The following CDH13 variants were observed in gnomAD, a reference collection of about 807,000 sequenced individuals.
The protein encoded by CDH13 is cadherin-13.
Under a neutral mutation model 63.8 loss-of-function variants are expected in CDH13, and 24 were observed. That is an observed-to-expected ratio of 0.38 (90% confidence interval 0.27 to 0.53). CDH13 has a LOEUF of 0.53. CDH13 is among the 20% of genes least tolerant of loss of function. The probability of loss-of-function intolerance (pLI) is 0.85; values close to 1 mark genes in which losing one functional copy is unlikely to be tolerated. For synonymous variants in CDH13, 503 were observed against 355.3 expected, an observed-to-expected ratio of 1.42 and a Z score of -4.67; for missense variants, 1,049 against 903.1, an observed-to-expected ratio of 1.16 and a Z score of -2.07.
At chr16:83,033,802 C>G (rs970251503) in intron 3 of CDH13, among the ~76,000 whole-genome samples, 8 of 152,232 alleles carry the variant, frequency 5.3e-5, no homozygotes, top group African/African-American at 1.9e-4. Context: ...GAGGGCAAGA[C>G]ACACAGCAGG....
intron 1 of CDH13, among the ~76,000 whole-genome samples, chr16:82,797,888 C>A (rs945448965): frequency 1.5e-4 from 23 of 151,734 alleles, no homozygotes; most frequent in Non-Finnish European, 3.1e-4. Context: ...AGAAAGACAC[C>A]ACAGCCTTCT....
chr16:82,725,485 T>C (rs980480670), intron 1 of CDH13, among the ~76,000 whole-genome samples: 1 of 152,198 alleles, frequency 6.6e-6, no homozygotes, highest in Non-Finnish European at 1.5e-5. Flanking sequence ...CTTTCTCATC[T>C]GAAAAATGGG....
chr16:83,087,600 G>A lies in CDH13; in HGVS notation c.367-37785G>A, dbSNP rs528657393. On this transcript the variant is annotated intron_variant, in intron 3 of 13. Coordinates refer to ENST00000567109, the MANE Select transcript of CDH13 (RefSeq NM_001257.5). ...GCAGACTCACTTGAACGCGGGAGCC[G>A]GAGGTCACAGCGAGCCAAAACCGTG... Among the ~76,000 whole-genome samples, 21 of 147,778 alleles carry A rather than the reference G, an allele frequency of 1.4e-4. No individual in the cohort carries two copies. In the South Asian group the frequency reaches 3.0e-3, roughly 21 times the overall value.
intron 8 of CDH13, among the ~76,000 whole-genome samples, chr16:83,605,598 G>C (rs1282689291): frequency 6.6e-6 from 1 of 152,160 alleles, no homozygotes. Flanking sequence ...AAAGAACCTA[G>C]ATAGTGCCTG....
At chr16:83,724,268 T>C (rs1160715015) in intron 10 of CDH13, among the ~76,000 whole-genome samples, 6 of 148,600 alleles carry the variant, frequency 4.0e-5, no homozygotes, top group Non-Finnish European at 8.9e-5. Flanking sequence ...AATGCATGGG[T>C]GGGTGATTAA....
At chr16:83,347,555 C>T (rs1597802073) in intron 6 of CDH13, among the ~76,000 whole-genome samples, 1 of 152,148 alleles carries the variant, frequency 6.6e-6, no homozygotes, top group South Asian at 2.1e-4. Context: ...TTACTGTGTG[C>T]CAGCAGCCAT....
At position 83,545,604 on chromosome 16, in the gene CDH13, CCTT is replaced by C. The variant is rs369451435; in HGVS notation, c.961-56847_961-56845del. ...TTTGTTGCAGTGATGGAATTAAAGT[CCTT>C]CTAATGAAAAAGGCTGTAGGTGAAT... On this transcript the variant is annotated intron_variant, in intron 7 of 13. Coordinates refer to ENST00000567109, the MANE Select transcript of CDH13 (RefSeq NM_001257.5). Among the ~76,000 whole-genome samples the C allele has an allele frequency of 2.3e-3, 346 of 152,118 alleles. 4 individuals are homozygous for C. The highest frequency in any genetic ancestry group is 7.8e-3 in the African/African-American group (323 of 41,510).
intron 2 of CDH13, among the ~76,000 whole-genome samples, chr16:82,896,055 A>C (rs2041245048): frequency 6.6e-6 from 1 of 152,124 alleles, no homozygotes; most frequent in South Asian, 2.1e-4. Flanking sequence ...GCCTACTTTA[A>C]GGCATCACCC....
rs1394078693 is a variant in CDH13, at chr16:83,086,331, C to T, written c.367-39054C>T. On this transcript the variant is annotated intron_variant, in intron 3 of 13. Transcript: ENST00000567109. ...ATGCAGTATTTCAATTCCAGATCTA[C>T]CATTTATAAGCTGTGTGTTTTTGGG... is the stretch of plus-strand genomic sequence containing the variant. Among the ~76,000 whole-genome samples, 3 of 152,176 alleles carry T rather than the reference C, an allele frequency of 2.0e-5. No homozygotes were observed. In the South Asian group the frequency reaches 6.2e-4, roughly 32 times the overall value.
At chr16:83,388,337 C>G (rs919284007) in intron 6 of CDH13, among the ~76,000 whole-genome samples, 1 of 151,652 alleles carries the variant, frequency 6.6e-6, no homozygotes, top group African/African-American at 2.4e-5. Flanking sequence ...CCTGTAGTCC[C>G]AACTACTTGG....
At chr16:83,402,149 G>A (rs1484862731) in intron 6 of CDH13, among the ~76,000 whole-genome samples, 2 of 152,058 alleles carry the variant, frequency 1.3e-5, no homozygotes, top group Non-Finnish European at 2.9e-5. Flanking sequence ...CTGTACACTA[G>A]CCTAGTATTA....
intron 6 of CDH13, among the ~76,000 whole-genome samples, chr16:83,356,744 A>G (rs2091064668): frequency 6.6e-6 from 1 of 152,222 alleles, no homozygotes; most frequent in African/African-American, 2.4e-5. Context: ...GAGGGTATAT[A>G]AAATCCCTTT....
At chr16:83,125,839 T>C (rs1318384426) in intron 4 of CDH13, among the ~76,000 whole-genome samples, 4 of 152,186 alleles carry the variant, frequency 2.6e-5, no homozygotes, top group Non-Finnish European at 5.9e-5. Flanking sequence ...GATGGTAGTA[T>C]GTTGACATGT....
At chr16:83,428,613 C>G (rs531753551) in intron 6 of CDH13, among the ~76,000 whole-genome samples, 9 of 152,096 alleles carry the variant, frequency 5.9e-5, no homozygotes, top group African/African-American at 2.2e-4. Flanking sequence ...TGGTGCTTGG[C>G]ATGTAGAGAG....
At chr16:83,378,677 C>G (rs567595171) in intron 6 of CDH13, among the ~76,000 whole-genome samples, 2 of 152,250 alleles carry the variant, frequency 1.3e-5, no homozygotes, top group South Asian at 2.1e-4. Flanking sequence ...AGGCAAGATA[C>G]TTGACTGCTC....
At chr16:83,589,417 G>A (rs866467847) in intron 7 of CDH13, among the ~76,000 whole-genome samples, 4 of 145,082 alleles carry the variant, frequency 2.8e-5, no homozygotes, top group African/African-American at 7.7e-5. Context: ...ATCTACTCCC[G>A]CTGACACTGA....
intron 1 of CDH13, among the ~76,000 whole-genome samples, chr16:82,827,723 A>T (rs1039257798): frequency 3.3e-5 from 5 of 152,234 alleles, no homozygotes; most frequent in Admixed American, 6.5e-5. Context: ...GATTCTCAGC[A>T]TGAATGCCCT....
intron 2 of CDH13, among the ~76,000 whole-genome samples, chr16:82,988,749 G>A (rs1226839517): frequency 1.4e-5 from 2 of 139,030 alleles, no homozygotes; most frequent in African/African-American, 5.4e-5. Flanking sequence ...GAGACAGAGT[G>A]AAACTCCAAC....
intron 2 of CDH13, among the ~76,000 whole-genome samples, chr16:82,918,096 T>A (rs1016684623): frequency 2.0e-5 from 3 of 152,156 alleles, no homozygotes; most frequent in African/African-American, 7.2e-5. Context: ...GCGAGGCAGC[T>A]GGTGCCCTGG....
Sources: allele counts gnomAD v4.1 joint callset (sites outside exome capture counted in the v4.1 genomes callset), GRCh38; gene constraint gnomAD v4.1.1; transcripts MANE v1.5; gene names NCBI Gene and HGNC (gene_info 2026-07-23, HGNC 2026-07-21).